The following RAPGEF6 variants were observed in gnomAD, a reference collection of about 807,000 sequenced individuals.
RAPGEF6 encodes Rap guanine nucleotide exchange factor 6, also known as PDZ domain containing guanine nucleotide exchange factor (GEF) 2.
In RAPGEF6, 56 loss-of-function variants were observed where a neutral mutation model predicts 171.4. The ratio of observed to expected loss-of-function variants is 0.33; its 90% CI spans 0.26 to 0.41. RAPGEF6 has a LOEUF of 0.41. Ranked by LOEUF, RAPGEF6 falls within the 10% of genes least tolerant of loss-of-function variation. The probability of loss-of-function intolerance (pLI) is 1.00; values close to 1 mark genes in which losing one functional copy is unlikely to be tolerated. For synonymous variants in RAPGEF6, 692 were observed against 650.1 expected (o/e 1.06, Z -0.98); for missense variants, 1,674 against 1,921.4 (o/e 0.87, Z 2.41).
In RAPGEF6 at chr5:131,498,562, T is replaced by C. The variant is rs371480062; in HGVS notation, c.1300A>G (p.Ile434Val). 6.1e-5 allele frequency: 99 copies of C among 1,613,882 alleles called. No homozygotes were observed. In the South Asian group the frequency reaches 8.5e-4, roughly 14 times the overall value. ...TCTTCTATATAAGTTGGATCCACGATGGAATGTTCTTCTATTAAATGCATT... is the reference window on the plus strand; with the variant it reads ...TCTTCTATATAAGTTGGATCCACGACGGAATGTTCTTCTATTAAATGCATT... ...LIMHLIEEHS[I>V]VDPTYIEDFL... The change falls in exon 12 of 28, where the codon ATC becomes GTC. Residue 434 changes from isoleucine to valine, a missense_variant. This residue lies in a region of RAPGEF6 where 1,116 missense variants were observed against 1,321.5 expected (regional missense o/e 0.84). Coordinates refer to ENST00000509018, the MANE Select transcript of RAPGEF6 (RefSeq NM_016340.6).
chr5:131,504,613 T>TAAAAACA lies in RAPGEF6; in HGVS notation c.1254+6_1254+12dup. ...TAAAATCAGTGACTAGAAAAATAAG[T>TAAAAACA]AAAAACACCCACCTTGATCACAATG... On this transcript the variant is annotated intron_variant, in intron 11 of 27. Coordinates refer to ENST00000509018, the MANE Select transcript of RAPGEF6 (RefSeq NM_016340.6). The TAAAAACA allele has an allele frequency of 6.4e-7, 1 of 1,559,714 alleles. No homozygotes were observed. The highest frequency in any genetic ancestry group is 2.3e-5 in the East Asian group (1 of 43,556).
intron 6 of RAPGEF6, among the ~76,000 whole-genome samples, chr5:131,536,943 T>C (rs185081399): frequency 1.3e-5 from 2 of 152,308 alleles, no homozygotes; most frequent in Admixed American, 6.5e-5. Context: ...AAGATGACCA[T>C]TACGTCCCTT....
At chr5:131,469,679 A>T (rs896941957) in intron 17 of RAPGEF6, 1 of 666,718 alleles carries the variant, frequency 1.5e-6, no homozygotes, top group African/African-American at 1.8e-5. Flanking sequence ...GCTACCTTCT[A>T]AGTGGAAAGA....
At chr5:131,516,239 C>A (rs762531039) in intron 7 of RAPGEF6, among the ~76,000 whole-genome samples, 1 of 151,946 alleles carries the variant, frequency 6.6e-6, no homozygotes, top group Non-Finnish European at 1.5e-5. Flanking sequence ...CGCCACCGCA[C>A]GTGGCTACTT....
intron 25 of RAPGEF6, 139 bp downstream of exon 25, chr5:131,433,291 T>C (rs746889236): frequency 1.6e-5 from 11 of 672,080 alleles, no homozygotes; most frequent in Non-Finnish European, 2.9e-5. Flanking sequence ...GAATAGAGAA[T>C]ATGTGCTTGG....
rs748048685 is a variant in RAPGEF6 at position 131,431,053 on chromosome 5, C to G, written c.4271G>C (p.Cys1424Ser). The G allele has an allele frequency of 5.6e-6, 9 of 1,614,174 alleles. No homozygotes were observed. The highest frequency in any genetic ancestry group is 7.6e-6 in the Non-Finnish European group (9 of 1,180,020). The change falls in exon 26 of 28, where the codon TGT becomes TCT. Residue 1424 changes from cysteine (C) to serine (S), a missense_variant. Around this residue, in one of 3 missense-constraint regions of RAPGEF6, gnomAD observed 552 missense variants for 574.2 expected, o/e 0.96. Coordinates refer to ENST00000509018, the MANE Select transcript of RAPGEF6 (RefSeq NM_016340.6). Reference protein sequence around the residue: ...SKSCSRTCGQCKGSLERKSWT... With the variant: ...SKSCSRTCGQSKGSLERKSWT... ...ACTCTTTCTCTCTAGGCTTCCTTTA[C>G]ACTGCCCACAAGTTCTAGAGCAGCT...
chr5:131,481,226 T>A (rs573217584), intron 15 of RAPGEF6, among the ~76,000 whole-genome samples: 1 of 149,774 alleles, frequency 6.7e-6, no homozygotes, highest in Non-Finnish European at 1.5e-5. Context: ...TGCCTGGCCC[T>A]TTTTTTTTCC....
At chr5:131,450,041 T>C (rs1455850794) in intron 21 of RAPGEF6, 4 of 1,544,186 alleles carry the variant, frequency 2.6e-6, no homozygotes, top group Non-Finnish European at 3.5e-6. Flanking sequence ...CCGCCACCTC[T>C]TCTTCCTGTA....
intron 4 of RAPGEF6, among the ~76,000 whole-genome samples, chr5:131,569,577 A>T (rs915586489): frequency 6.6e-6 from 1 of 152,234 alleles, no homozygotes; most frequent in African/African-American, 2.4e-5. Context: ...TGGATCACAG[A>T]CCAAAATGTA....
chr5:131,532,248 T>C (rs1759438849), intron 6 of RAPGEF6: 2 of 377,942 alleles, frequency 5.3e-6, no homozygotes, highest in East Asian at 1.5e-4. Context: ...TTACAAATCA[T>C]ACACCACTGC....
rs1347117114 is a variant in RAPGEF6, at chr5:131,427,009, C to T, written c.*257G>A. The T allele has an allele frequency of 1.0e-5, 5 of 491,312 alleles. No homozygotes were observed. Among genetic ancestry groups the T allele is most frequent in the Middle Eastern group, 5.3e-4 (1 of 1,880 alleles). 30.4% of individuals were successfully genotyped at this position (491,312 alleles called of 1,614,324 possible). On this transcript the variant is annotated 3_prime_UTR_variant, in exon 28 of 28. Coordinates refer to ENST00000509018, the MANE Select transcript of RAPGEF6 (RefSeq NM_016340.6). ...TTACATTTTTTCTGTAACTGTGGTC[C>T]CAAGGCAGTTCCGGCGTGCAAAGTG...
chr5:131,427,625 C>G (rs976978610), intron 27 of RAPGEF6, among the ~76,000 whole-genome samples: 1 of 152,198 alleles, frequency 6.6e-6, no homozygotes, highest in South Asian at 2.1e-4. Flanking sequence ...TCAATAGAAT[C>G]ATTTCAGATA....
chr5:131,508,031 G>C, intron 9 of RAPGEF6, 40 bp downstream of exon 9: 2 of 1,451,616 alleles, frequency 1.4e-6, no homozygotes. Context: ...TTAAAAGTTA[G>C]TATCCATAAT....
intron 3 of RAPGEF6, among the ~76,000 whole-genome samples, chr5:131,601,792 G>T (rs1764272788): frequency 6.6e-6 from 1 of 152,146 alleles, no homozygotes; most frequent in African/African-American, 2.4e-5. Flanking sequence ...ATAGCACCTT[G>T]GGAGGCTGAG....
chr5:131,599,429 AAAC>A (rs1764095979), intron 3 of RAPGEF6, among the ~76,000 whole-genome samples: 1 of 152,174 alleles, frequency 6.6e-6, no homozygotes, highest in Admixed American at 6.5e-5. Flanking sequence ...TGAGCAAAAT[AAAC>A]AAATGAGCAA....
chr5:131,430,233 C>T (rs1007832295), intron 26 of RAPGEF6, among the ~76,000 whole-genome samples: 5 of 151,628 alleles, frequency 3.3e-5, no homozygotes, highest in African/African-American at 4.9e-5. Context: ...AGAGTCATTC[C>T]ATATAAGTAG....
intron 6 of RAPGEF6, among the ~76,000 whole-genome samples, chr5:131,525,928 T>C (rs151117132): frequency 1.8e-4 from 28 of 152,268 alleles, no homozygotes; most frequent in Middle Eastern, 3.4e-3. Flanking sequence ...AAGGAAGTGT[T>C]ATTATTATCT....
At chr5:131,583,802 T>C (rs1003192020) in intron 4 of RAPGEF6, among the ~76,000 whole-genome samples, 1 of 152,218 alleles carries the variant, frequency 6.6e-6, no homozygotes, top group African/African-American at 2.4e-5. Context: ...CTTTAAGATA[T>C]TTTACAGAGT....
At chr5:131,463,611 A>G (rs1270444777) in intron 18 of RAPGEF6, 3 of 707,362 alleles carry the variant, frequency 4.2e-6, no homozygotes, top group African/African-American at 1.9e-5. Flanking sequence ...GTAAGGAACA[A>G]ATGTACTACA....
Sources: allele counts gnomAD v4.1 joint callset (sites outside exome capture counted in the v4.1 genomes callset), GRCh38; gene constraint gnomAD v4.1.1; regional missense constraint gnomAD v4.1.1; transcripts MANE v1.5; gene names NCBI Gene and HGNC (gene_info 2026-07-23, HGNC 2026-07-21).